Variants in KAZN observed in about 807,000 individuals in gnomAD.
KAZN encodes kazrin, periplakin interacting protein.
KAZN carries 40 observed loss-of-function variants against 87.4 expected under a neutral mutation model. That is an observed-to-expected ratio of 0.46 (90% CI 0.36 to 0.60). KAZN has a LOEUF of 0.60. KAZN is among the 20% of genes least tolerant of loss of function. The pLI is 0.00. For synonymous variants in KAZN, 466 were observed against 458.3 expected, an observed-to-expected ratio of 1.02 and a Z score of -0.22; for missense variants, 898 against 1,073.9, an observed-to-expected ratio of 0.84 and a Z score of 2.29.
intron 2 of KAZN, among the ~76,000 whole-genome samples, chr1:14,568,206 A>G (rs1292403179): frequency 6.6e-6 from 1 of 152,218 alleles, no homozygotes; most frequent in Non-Finnish European, 1.5e-5. Flanking sequence ...GCACAAAGCT[A>G]CGATGTGAAC....
chr1:14,133,195 C>T (rs1965005), intron 1 of KAZN, among the ~76,000 whole-genome samples: 69,924 of 150,848 alleles, frequency 0.46, 17,775 homozygotes, highest in East Asian at 0.7. Context: ...GGTGAAACCC[C>T]ATCTCTACTA....
chr1:14,103,007 C>T (rs56304887), intron 1 of KAZN, among the ~76,000 whole-genome samples: 2 of 151,426 alleles, frequency 1.3e-5, no homozygotes, highest in African/African-American at 4.9e-5. Flanking sequence ...CTCCTGGGTT[C>T]AAAGGATTCT....
rs550862326 is a variant in KAZN at position 15,057,908 on chromosome 1, A to G, written c.916+1628A>G. On this transcript the variant is annotated intron_variant, in intron 5 of 14. Coordinates refer to ENST00000376030, the MANE Select transcript of KAZN (RefSeq NM_201628.3). The stretch of plus-strand genomic sequence containing the variant: ...TCTGCCTCTGCAGGGCCTCTCCTCA[A>G]TGGAGCTGGCTCTGGTCTGGGAAAG... Among the ~76,000 whole-genome samples the G allele has an allele frequency of 1.2e-4, 18 of 152,338 alleles. No individual in the cohort carries two copies. The South Asian group carries it at 1.4e-3, about 12-fold the overall frequency.
intron 2 of KAZN, among the ~76,000 whole-genome samples, chr1:14,580,123 G>T (rs1284914169): frequency 6.6e-6 from 1 of 152,114 alleles, no homozygotes; most frequent in Non-Finnish European, 1.5e-5. Flanking sequence ...GGACTTCCAG[G>T]GTAATTAATT....
chr1:14,879,775 A>G (rs1007068937), intron 1 of KAZN, among the ~76,000 whole-genome samples: 2 of 152,210 alleles, frequency 1.3e-5, no homozygotes. Context: ...CACAGCATGG[A>G]CATGCCTAAG....
At chr1:14,118,503 T>C (rs923464322) in intron 1 of KAZN, among the ~76,000 whole-genome samples, 4 of 152,214 alleles carry the variant, frequency 2.6e-5, no homozygotes, top group Non-Finnish European at 5.9e-5. Flanking sequence ...TTTTGAAGTG[T>C]ATAAAATTTA....
chr1:14,598,479 C>G (rs940550888), upstream of KAZN, among the ~76,000 whole-genome samples: 1 of 152,132 alleles, frequency 6.6e-6, no homozygotes, highest in Non-Finnish European at 1.5e-5. This position sits in a 1 kb window ranked among gnomAD's most constrained non-coding sequence, Gnocchi z 4.2. Flanking sequence ...CGGCCTCGGT[C>G]CAGGCGACCC....
At chr1:14,875,046 T>C (rs1335058359) in intron 1 of KAZN, among the ~76,000 whole-genome samples, 2 of 151,860 alleles carry the variant, frequency 1.3e-5, no homozygotes, top group Non-Finnish European at 2.9e-5. Context: ...ATCTGTAAAT[T>C]TGTGGCCAGG....
chr1:14,458,197 T>G (rs1157038493), intron 2 of KAZN, among the ~76,000 whole-genome samples: 1 of 152,236 alleles, frequency 6.6e-6, no homozygotes, highest in Non-Finnish European at 1.5e-5. Context: ...ATCTTATTTT[T>G]TATAAAACTG....
intron 1 of KAZN, among the ~76,000 whole-genome samples, chr1:14,660,003 G>A (rs1639046346): frequency 1.3e-5 from 2 of 152,058 alleles, no homozygotes; most frequent in Non-Finnish European, 1.5e-5. Flanking sequence ...TCATAATTTT[G>A]TTTTCAAATG....
chr1:14,641,172 A>G (rs1394828679), intron 1 of KAZN, among the ~76,000 whole-genome samples: 2 of 152,140 alleles, frequency 1.3e-5, no homozygotes, highest in African/African-American at 4.8e-5. Flanking sequence ...CTCTCAAACC[A>G]TATGATTTTA....
intron 2 of KAZN, among the ~76,000 whole-genome samples, chr1:14,410,639 C>T (rs536768584): frequency 6.6e-6 from 1 of 152,078 alleles, no homozygotes; most frequent in Non-Finnish European, 1.5e-5. Flanking sequence ...CCTGGATTAC[C>T]CAGGCAGGCC....
intron 2 of KAZN, among the ~76,000 whole-genome samples, chr1:14,299,617 C>T (rs536627224): frequency 6.6e-6 from 1 of 152,298 alleles, no homozygotes; most frequent in Non-Finnish European, 1.5e-5. Flanking sequence ...GAGCTTGCAA[C>T]AGCAGATGTC....
At chr1:14,405,606 A>ATGTG (rs111850452) in intron 2 of KAZN, among the ~76,000 whole-genome samples, 13,505 of 135,994 alleles carry the variant, frequency 0.099, 689 homozygotes, top group East Asian at 0.28. Context: ...ACCCAATAAA[A>ATGTG]TGTGTGTGTG....
At chr1:14,592,144 T>C (rs1051800246) in intron 2 of KAZN, among the ~76,000 whole-genome samples, 2 of 152,104 alleles carry the variant, frequency 1.3e-5, no homozygotes, top group African/African-American at 4.8e-5. Context: ...AAGTAAACCA[T>C]GTAAATGTAC....
intron 2 of KAZN, among the ~76,000 whole-genome samples, chr1:14,464,474 A>T (rs1334134264): frequency 6.6e-6 from 1 of 151,578 alleles, no homozygotes; most frequent in Non-Finnish European, 1.5e-5. Flanking sequence ...CACTTACATC[A>T]CCTGCTTAGT....
At position 14,523,015 on chromosome 1, in the gene KAZN, C is replaced by T. The variant is rs115278278; in HGVS notation, c.250-75968C>T. ...AATTCCCCCAACTCCCCAGCATGTA[C>T]GAGCTATGAGTCACTAGGCCACACT... On this transcript the variant is annotated intron_variant, in intron 2 of 16. Coordinates refer to the KAZN transcript ENST00000636203. 4.5e-3 allele frequency among the ~76,000 whole-genome samples: 691 copies of T among 152,284 alleles called. 6 individuals carry two copies. Among genetic ancestry groups the T allele is most frequent in the African/African-American group, 0.015 (637 of 41,544 alleles).
In KAZN at chr1:14,923,830, G is replaced by A. The variant is rs1030184343; in HGVS notation, c.227-36854G>A. Reference sequence around the variant, plus strand: ...TCACAGGGTGTCAGGAGAGGAGAGAGACACAGCAAAGTGGGGTGCCAGGCA... The same window carrying A: ...TCACAGGGTGTCAGGAGAGGAGAGAAACACAGCAAAGTGGGGTGCCAGGCA... On this transcript the variant is annotated intron_variant, in intron 1 of 14. Transcript: ENST00000376030. The surrounding 1 kb of genome is among the most constrained non-coding windows in gnomAD (Gnocchi z 4.2). Among the ~76,000 whole-genome samples the A allele has an allele frequency of 1.3e-5, 2 of 152,230 alleles. No homozygotes were observed. The highest frequency in any genetic ancestry group is 1.3e-4 in the Admixed American group (2 of 15,288).
chr1:14,909,967 C>T (rs1238234834), intron 1 of KAZN, among the ~76,000 whole-genome samples: 4 of 152,126 alleles, frequency 2.6e-5, no homozygotes, highest in Admixed American at 6.5e-5. Context: ...ACAAGAGAAT[C>T]GCTTGCACCT....
Sources: gnomAD v4.1 joint callset for allele counts (sites outside exome capture counted in the v4.1 genomes callset) on GRCh38, gnomAD v4.1.1 for gene constraint, Gnocchi (gnomAD v3.1) non-coding constraint, MANE v1.5 for transcripts, NCBI Gene and HGNC (gene_info 2026-07-23, HGNC 2026-07-21) for gene names.